TTC39A: variants seen among roughly 807,000 people sequenced by gnomAD.
TTC39A encodes tetratricopeptide repeat protein 39A.
Under a neutral mutation model 82.3 loss-of-function variants are expected in TTC39A, and 46 were observed. The observed-to-expected ratio is 0.56, with a 90% CI of 0.44 to 0.71. The LOEUF is 0.71. TTC39A is among the 30% of genes least tolerant of loss of function. The pLI is 0.00. For missense variants in TTC39A, 543 were observed against 712.9 expected (o/e 0.76, Z 2.71); for synonymous variants, 254 against 275.2 (o/e 0.92, Z 0.76).
In TTC39A at chr1:51,290,598, C is replaced by T. The variant is rs1443800585; in HGVS notation, c.1294G>A (p.Ala432Thr). 2 of 1,613,722 alleles carry T rather than the reference C, an allele frequency of 1.2e-6. No homozygotes were observed. Among genetic ancestry groups the T allele is most frequent in the African/African-American group, 1.3e-5 (1 of 75,062 alleles). Residue 432 changes from alanine (A) to threonine (T), a missense_variant, in exon 15 of 18, where the codon GCC (alanine) becomes ACC (threonine). Ala to Thr is a moderately conservative substitution (Grantham distance 58). Coordinates refer to ENST00000680483, the MANE Select transcript of TTC39A (RefSeq NM_001297663.2). Reference sequence around the variant, plus strand: ...AGTTTCGGCTGCTTCCCAATCACGGCGTAGCCGTTCCAGATGTACATCATT... The same window carrying T: ...AGTTTCGGCTGCTTCCCAATCACGGTGTAGCCGTTCCAGATGTACATCATT... ...LEMMYIWNGY[A>T]VIGKQPKLTD...
At chr1:51,322,173 G>GCC in intron 1 of TTC39A, 1 of 1,540,932 alleles carries the variant, frequency 6.5e-7, no homozygotes, top group South Asian at 1.2e-5. Flanking sequence ...GGGCTCTGCT[G>GCC]CCCCCCCAGG....
At chr1:51,341,309 C>T (rs1227501822) in intron 1 of TTC39A, among the ~76,000 whole-genome samples, 1 of 151,890 alleles carries the variant, frequency 6.6e-6, no homozygotes, top group East Asian at 1.9e-4. Context: ...ATGCCTTGTA[C>T]TGAGTGGAGA....
In TTC39A at chr1:51,294,213, T is replaced by C. The variant is rs1644326628; in HGVS notation, c.1266+178A>G. ...CCTGTCTCTCCACTCTCAGCCCCAA[T>C]GGACCCTCTCTAAGGGGCAGGGGCT... On this transcript the variant is annotated intron_variant, in intron 14 of 17. Transcript: ENST00000680483. This position sits in a 1 kb window ranked among gnomAD's most constrained non-coding sequence, Gnocchi z 4.3. Among the ~76,000 whole-genome samples, 1 of 152,170 alleles carries C rather than the reference T, an allele frequency of 6.6e-6. No homozygotes were observed. Among genetic ancestry groups the C allele is most frequent in the African/African-American group, 2.4e-5 (1 of 41,444 alleles).
chr1:51,330,957 G>C (rs144388942), upstream of TTC39A: 4 of 642,450 alleles, frequency 6.2e-6, no homozygotes, highest in Non-Finnish European at 8.5e-6. This position sits in a 1 kb window ranked among gnomAD's most constrained non-coding sequence, Gnocchi z 4.5. Flanking sequence ...ACAGCCCCCA[G>C]AGTCAGGCCT....
chr1:51,289,731 A>T (rs1644130077), intron 16 of TTC39A, among the ~76,000 whole-genome samples: 1 of 152,194 alleles, frequency 6.6e-6, no homozygotes, highest in Non-Finnish European at 1.5e-5. Flanking sequence ...GGATAGAGTC[A>T]CCGAATTACA....
rs145806307 is a variant in TTC39A at position 51,296,096 on chromosome 1, G to A, written c.1128C>T (p.Asp376=). 5 of 1,592,680 alleles carry A rather than the reference G, an allele frequency of 3.1e-6. No homozygotes were observed. The highest frequency in any genetic ancestry group is 2.3e-5 in the East Asian group (1 of 43,952). Residue 376 remains aspartate (D), a synonymous_variant, in exon 13 of 18, where the codon GAC becomes GAT. Transcript: ENST00000680483. ...GKEDHKPFGD[D]EVELFRAVPG... is the part of the protein sequence containing the mutation. ...GGACCCACCGAAATAATTCCACTTC[G>A]TCGTCCCCGAACGGCTTGTGGTCCT...
upstream of TTC39A, among the ~76,000 whole-genome samples, chr1:51,333,159 C>T (rs1450550956): frequency 6.8e-6 from 1 of 146,334 alleles, no homozygotes; most frequent in African/African-American, 2.5e-5. Context: ...TTGCAGTGAG[C>T]TGAGATCACA....
intron 12 of TTC39A, among the ~76,000 whole-genome samples, chr1:51,296,439 CAG>C (rs1298064198): frequency 1.4e-4 from 22 of 152,246 alleles, no homozygotes; most frequent in African/African-American, 5.1e-4. Context: ...GGGGCTGCGG[CAG>C]AGACACAAGG....
rs757040478 is a variant in TTC39A at position 51,296,109 on chromosome 1, G to A, written c.1115C>T (p.Pro372Leu). 3.1e-6 allele frequency: 5 copies of A among 1,598,720 alleles called. No individual in the cohort carries two copies. Among genetic ancestry groups the A allele is most frequent in the Admixed American group, 1.7e-5 (1 of 57,798 alleles). The change falls in exon 13 of 18, where the codon CCG (proline) becomes CTG (leucine). Residue 372 changes from proline to leucine, a missense_variant. By Grantham distance (98) the Pro-to-Leu change is moderately conservative. Coordinates refer to ENST00000680483, the MANE Select transcript of TTC39A (RefSeq NM_001297663.2). Reference sequence around the variant, plus strand: ...TAATTCCACTTCGTCGTCCCCGAACGGCTTGTGGTCCTCCTTCCCAAACAT... The same window carrying A: ...TAATTCCACTTCGTCGTCCCCGAACAGCTTGTGGTCCTCCTTCCCAAACAT... Reference protein sequence around the residue: ...LSMFGKEDHKPFGDDEVELFR... With the variant: ...LSMFGKEDHKLFGDDEVELFR...
upstream of TTC39A, among the ~76,000 whole-genome samples, chr1:51,333,327 C>T (rs968920435): frequency 1.3e-5 from 2 of 151,506 alleles, no homozygotes; most frequent in Non-Finnish European, 2.9e-5. Flanking sequence ...CAAGATAATT[C>T]ATTATGCATA....
intron 1 of TTC39A, 199 bp from the exon 2 acceptor site, chr1:51,322,024 G>A: frequency 6.7e-7 from 1 of 1,485,690 alleles, no homozygotes; most frequent in East Asian, 2.5e-5. Context: ...AGGGTGGGAG[G>A]GGGAGCAGAA....
upstream of TTC39A, chr1:51,330,950 G>A (rs936852960): frequency 8.0e-5 from 51 of 637,806 alleles, no homozygotes; most frequent in African/African-American, 8.1e-4. This position sits in a 1 kb window ranked among gnomAD's most constrained non-coding sequence, Gnocchi z 4.5. Context: ...GACAAAGACA[G>A]CCCCCAGAGT....
intron 4 of TTC39A, 59 bp from the exon 5 acceptor site, chr1:51,311,380 A>G: frequency 1.0e-5 from 15 of 1,467,238 alleles, no homozygotes; most frequent in Non-Finnish European, 1.3e-5. Context: ...GAGGCCTGGG[A>G]CAAATCCTCA....
Position 51,290,074 on chromosome 1 carries a change from T to C in TTC39A, c.1424A>G (p.Lys475Arg). Residue 475 changes from lysine to arginine, a missense_variant, in exon 16 of 18, where the codon AAA (lysine) becomes AGA (arginine). Coordinates refer to ENST00000680483, the MANE Select transcript of TTC39A (RefSeq NM_001297663.2). ...GCCCAGGTATTTCAGACACAGGCCTTTCAACAATTTCACCAAGCACTCGTC... is the reference window on the plus strand; with the variant it reads ...GCCCAGGTATTTCAGACACAGGCCTCTCAACAATTTCACCAAGCACTCGTC... The part of the protein sequence containing the change: ...VDDECLVKLL[K>R]GLCLKYLGRV... 4.3e-6 allele frequency: 7 copies of C among 1,613,960 alleles called. No homozygotes were observed. The highest frequency in any genetic ancestry group is 5.9e-6 in the Non-Finnish European group (7 of 1,179,860).
Position 51,321,972 on chromosome 1 carries a change from TG to T in TTC39A, c.42-148del. On this transcript the variant is annotated intron_variant, in intron 1 of 17. Coordinates refer to ENST00000680483, the MANE Select transcript of TTC39A (RefSeq NM_001297663.2). The surrounding 1 kb of genome is among the most constrained non-coding windows in gnomAD (Gnocchi z 4.6). ...GCTCCTCCAGGCTGCCACTCTGTAC[TG>T]GGACGCAGGGACAATTTGGACCCAC... is the stretch of plus-strand genomic sequence containing the variant. 1 of 1,348,306 alleles carries T rather than the reference TG, an allele frequency of 7.4e-7. No homozygotes were observed. Among genetic ancestry groups the T allele is most frequent in the Non-Finnish European group, 1.0e-6 (1 of 980,192 alleles). 83.5% of individuals were successfully genotyped at this position (1,348,306 alleles called of 1,614,324 possible).
intron 1 of TTC39A, chr1:51,322,321 A>G (rs1645560348): frequency 7.2e-7 from 1 of 1,393,936 alleles, no homozygotes; most frequent in African/African-American, 1.5e-5. Flanking sequence ...CAGCAGCCCC[A>G]AACGAGAGGC....
chr1:51,335,745 G>A (rs963969457), upstream of TTC39A, among the ~76,000 whole-genome samples: 8 of 152,208 alleles, frequency 5.3e-5, no homozygotes, highest in Admixed American at 4.6e-4. Flanking sequence ...AAAGGGGGAA[G>A]AAGAGAAGAA....
chr1:51,314,734 C>G (rs75008698), intron 2 of TTC39A, among the ~76,000 whole-genome samples: 2 of 152,184 alleles, frequency 1.3e-5, no homozygotes, highest in East Asian at 3.9e-4. Flanking sequence ...TTCAGAGTCC[C>G]TCAGACACAG....
chr1:51,316,739 C>T (rs1645300412), intron 2 of TTC39A, among the ~76,000 whole-genome samples: 1 of 152,236 alleles, frequency 6.6e-6, no homozygotes, highest in African/African-American at 2.4e-5. Flanking sequence ...CTACAGAACA[C>T]TCAAGGGCAT....
Sources: allele counts gnomAD v4.1 joint callset (sites outside exome capture counted in the v4.1 genomes callset), GRCh38; gene constraint gnomAD v4.1.1; non-coding constraint Gnocchi (gnomAD v3.1); transcripts MANE v1.5; gene names NCBI Gene and HGNC (gene_info 2026-07-23, HGNC 2026-07-21).